Variants in EVL observed in about 807,000 individuals in gnomAD.
EVL encodes Enah/Vasp-like, also known as ena/VASP-like protein.
EVL carries 21 observed loss-of-function variants against 59.6 expected under a neutral mutation model. The observed-to-expected ratio is 0.35, with a 90% CI of 0.25 to 0.51. The LOEUF (loss-of-function observed/expected upper bound fraction) is 0.51, where lower values mean the gene tolerates loss of function less well. EVL is among the 20% of genes least tolerant of loss of function. The pLI, the probability that EVL is intolerant of heterozygous loss-of-function variation, is 0.97. For missense variants in EVL, 462 were observed against 546.6 expected, an observed-to-expected ratio of 0.85 and a Z score of 1.54; for synonymous variants, 198 against 203.5, an observed-to-expected ratio of 0.97 and a Z score of 0.23.
At chr14:100,105,881 T>G (rs1886535832) in intron 3 of EVL, 1 of 152,202 alleles carries the variant, frequency 6.6e-6, no homozygotes, top group Non-Finnish European at 1.5e-5. Context: ...TGCCACAGTG[T>G]CTGAAACTCT....
At chr14:100,038,926 A>G (rs958343789) in intron 1 of EVL, among the ~76,000 whole-genome samples, 1 of 152,104 alleles carries the variant, frequency 6.6e-6, no homozygotes, top group Non-Finnish European at 1.5e-5. Context: ...CCTCTCCCAA[A>G]AGCAGATGAA....
At chr14:100,022,537 C>T (rs2061144002) in intron 1 of EVL, among the ~76,000 whole-genome samples, 2 of 152,258 alleles carry the variant, frequency 1.3e-5, no homozygotes, top group East Asian at 3.9e-4. Flanking sequence ...ACCTTGGCCC[C>T]CAGAAGTGCT....
chr14:100,143,621 G>A (rs946627838), intron 13 of EVL, 80 bp from the exon 14 acceptor site: 41 of 1,572,790 alleles, frequency 2.6e-5, no homozygotes, highest in South Asian at 2.0e-4. Flanking sequence ...GCAGGTCCAC[G>A]CCAGGGGTGC....
chr14:100,124,393 C>T (rs1326979026), intron 4 of EVL, among the ~76,000 whole-genome samples: 1 of 152,230 alleles, frequency 6.6e-6, no homozygotes, highest in Non-Finnish European at 1.5e-5. Context: ...GACCTCCTCT[C>T]CTCTGGCCTT....
intron 1 of EVL, among the ~76,000 whole-genome samples, chr14:100,008,463 C>A (rs900907833): frequency 6.6e-6 from 1 of 152,162 alleles, no homozygotes; most frequent in Non-Finnish European, 1.5e-5. Context: ...TTAATGAAAT[C>A]TCTGAAACCC....
chr14:100,027,808 G>A (rs2061239084), intron 1 of EVL, among the ~76,000 whole-genome samples: 2 of 152,076 alleles, frequency 1.3e-5, no homozygotes, highest in African/African-American at 2.4e-5. Flanking sequence ...CCAAGTAGCT[G>A]GGATTACAGG....
intron 1 of EVL, among the ~76,000 whole-genome samples, chr14:100,047,269 C>T (rs1333412891): frequency 3.3e-5 from 5 of 151,744 alleles, no homozygotes; most frequent in African/African-American, 7.3e-5. Context: ...AGTAGACGGG[C>T]GCTATAGTTA....
At chr14:100,008,718 C>G (rs892274956) in intron 1 of EVL, among the ~76,000 whole-genome samples, 2 of 152,166 alleles carry the variant, frequency 1.3e-5, no homozygotes, top group African/African-American at 4.8e-5. Flanking sequence ...TAGTCAGTCA[C>G]CTAACAAATC....
intron 1 of EVL, among the ~76,000 whole-genome samples, chr14:100,004,116 A>G (rs961077679): frequency 1.3e-5 from 2 of 152,204 alleles, no homozygotes; most frequent in Non-Finnish European, 2.9e-5. Context: ...AGGCACAAGA[A>G]TCACTTGAAC....
At chr14:100,116,408 CTA>C (rs1887348432) in intron 3 of EVL, among the ~76,000 whole-genome samples, 1 of 152,194 alleles carries the variant, frequency 6.6e-6, no homozygotes. Flanking sequence ...ATCTCCGGTT[CTA>C]TCTTTTCAGG....
chr14:100,050,870 G>A (rs2061636920), intron 1 of EVL, among the ~76,000 whole-genome samples: 1 of 147,702 alleles, frequency 6.8e-6, no homozygotes, highest in Non-Finnish European at 1.5e-5. Flanking sequence ...AGCCTCCTAA[G>A]TAGCTAGGAC....
chr14:100,092,058 G>A (rs1287909152), intron 2 of EVL, among the ~76,000 whole-genome samples: 1 of 151,912 alleles, frequency 6.6e-6, no homozygotes, highest in Non-Finnish European at 1.5e-5. Flanking sequence ...GGGCAACATA[G>A]CAAGACCTCG....
At chr14:100,012,714 T>G (rs574890613) in intron 1 of EVL, among the ~76,000 whole-genome samples, 1 of 152,322 alleles carries the variant, frequency 6.6e-6, no homozygotes, top group East Asian at 1.9e-4. Context: ...AGTTGACACT[T>G]CCTTTGGCTT....
Position 100,130,518 on chromosome 14 carries a change from A to G in EVL, c.839+834A>G, listed in dbSNP as rs73349562. On this transcript the variant is annotated intron_variant, in intron 7 of 13. Coordinates refer to ENST00000392920, the MANE Select transcript of EVL (RefSeq NM_016337.3). This position sits in a 1 kb window ranked among gnomAD's most constrained non-coding sequence, Gnocchi z 4.8. ...CTGCTCCCTTGGTAACCCCACCTCC[A>G]CCCCCTGCCACTTTGTCGCCTTCTC... Among the ~76,000 whole-genome samples, 4,060 of 151,722 alleles carry G rather than the reference A, an allele frequency of 0.027. 191 individuals are homozygous for G. The highest frequency in any genetic ancestry group is 0.093 in the African/African-American group (3,848 of 41,402).
At chr14:100,028,743 G>A (rs1168893365) in intron 1 of EVL, among the ~76,000 whole-genome samples, 1 of 152,160 alleles carries the variant, frequency 6.6e-6, no homozygotes, top group Non-Finnish European at 1.5e-5. Context: ...CCCAGGAGGC[G>A]CAGGTTGCAG....
intron 1 of EVL, among the ~76,000 whole-genome samples, chr14:100,053,758 C>G (rs1416798529): frequency 6.6e-6 from 1 of 152,160 alleles, no homozygotes; most frequent in Non-Finnish European, 1.5e-5. Context: ...AAGCTATTCC[C>G]CCACCTCAGC....
chr14:100,115,508 C>T (rs1286171452), intron 3 of EVL, among the ~76,000 whole-genome samples: 2 of 152,216 alleles, frequency 1.3e-5, no homozygotes, highest in Non-Finnish European at 2.9e-5. Flanking sequence ...TGGTCAGTCC[C>T]CCACTCTCTG....
At chr14:100,008,961 A>G (rs2061000067) in intron 1 of EVL, among the ~76,000 whole-genome samples, 1 of 152,236 alleles carries the variant, frequency 6.6e-6, no homozygotes, top group Non-Finnish European at 1.5e-5. Flanking sequence ...GGAAATCAGA[A>G]ATAGAGAAGT....
rs765609851 is a variant in EVL at position 100,128,580 on chromosome 14, G to T, written c.549G>T (p.Gly183=). 7 of 1,596,664 alleles carry T rather than the reference G, an allele frequency of 4.4e-6. No individual in the cohort carries two copies. The highest frequency in any genetic ancestry group is 6.0e-6 in the Non-Finnish European group (7 of 1,168,564). The change falls in exon 6 of 14, where the codon GGG becomes GGT. Residue 183 remains glycine (G), a synonymous_variant. Transcript: ENST00000392920. The stretch of plus-strand genomic sequence containing the variant: ...CCAGCGCCCCCGTCTCATGTAGTGG[G>T]CCTCCACCGCCCCCCCCACCCCCAG... ...SAASAPVSCS[G]PPPPPPPPVP...
Sources: allele counts gnomAD v4.1 joint callset (sites outside exome capture counted in the v4.1 genomes callset), GRCh38; gene constraint gnomAD v4.1.1; non-coding constraint Gnocchi (gnomAD v3.1); transcripts MANE v1.5; gene names NCBI Gene and HGNC (gene_info 2026-07-23, HGNC 2026-07-21).